The following NXPH1 variants were observed in gnomAD, a reference collection of about 807,000 sequenced individuals.
The protein encoded by NXPH1 is neurexophilin-1.
A neutral mutation model predicts 23.7 loss-of-function variants in NXPH1; 5 were observed. That is an observed-to-expected ratio of 0.21 (90% CI 0.11 to 0.44). NXPH1 has a LOEUF of 0.44. NXPH1 is among the 20% of genes least tolerant of loss of function. The pLI, the probability that NXPH1 is intolerant of heterozygous loss-of-function variation, is 0.99. For synonymous variants in NXPH1, 144 were observed against 122.2 expected (o/e 1.18, Z -1.18); for missense variants, 324 against 321.6 (o/e 1.01, Z -0.06).
At chr7:8,640,370 C>T (rs1159148757) in intron 2 of NXPH1, among the ~76,000 whole-genome samples, 1 of 151,674 alleles carries the variant, frequency 6.6e-6, no homozygotes, top group African/African-American at 2.4e-5. Flanking sequence ...TCAGGGTCCT[C>T]ATGTAATTTT....
chr7:8,520,025 A>G (rs1169654562), intron 2 of NXPH1, among the ~76,000 whole-genome samples: 1 of 152,120 alleles, frequency 6.6e-6, no homozygotes, highest in Non-Finnish European at 1.5e-5. Flanking sequence ...AAAATTATTT[A>G]TATAAAGATG....
intron 2 of NXPH1, among the ~76,000 whole-genome samples, chr7:8,437,522 C>T (rs1352238653): frequency 2.2e-4 from 34 of 152,214 alleles, no homozygotes; most frequent in Non-Finnish European, 8.8e-5. Context: ...TGTGCTCACA[C>T]ACACGGCAAG....
chr7:8,546,810 G>C (rs1455863921), intron 2 of NXPH1, among the ~76,000 whole-genome samples: 2 of 151,374 alleles, frequency 1.3e-5, no homozygotes, highest in Non-Finnish European at 3.0e-5. Context: ...TGATGCTCAT[G>C]GTGGTATTTT....
At position 8,752,775 on chromosome 7, in the gene NXPH1, A is replaced by G. The variant is rs750561485; in HGVS notation, c.*1006A>G. On this transcript the variant is annotated 3_prime_UTR_variant, in exon 3 of 3. Coordinates refer to ENST00000405863, the MANE Select transcript of NXPH1 (RefSeq NM_152745.3). The stretch of plus-strand genomic sequence containing the variant: ...TGGTTAAGAAAAAAGGATATGAGGA[A>G]TTCATTTTATCAATGTAGCTGTGAA... The G allele has an allele frequency of 1.3e-5, 2 of 152,498 alleles. No individual in the cohort carries two copies. The highest frequency in any genetic ancestry group is 2.9e-5 in the Non-Finnish European group (2 of 68,024). The allele number at this position is 152,498 out of a possible 1,614,324, so 9.4% of individuals were successfully genotyped here.
In NXPH1 at chr7:8,741,732, C is replaced by G. The variant is rs572303703; in HGVS notation, c.55-9276C>G. ...GGGTATTATCAATAAAATACAGGCT[C>G]TAAATTTGTAAGAAAGGAATCTCTG... On this transcript the variant is annotated intron_variant, in intron 2 of 2. Transcript: ENST00000405863. 5.1e-4 allele frequency among the ~76,000 whole-genome samples: 78 copies of G among 152,204 alleles called. 1 individual carries two copies. The highest frequency in any genetic ancestry group is 4.4e-3 in the South Asian group (21 of 4,822).
At chr7:8,455,671 A>G (rs1816582316) in intron 2 of NXPH1, among the ~76,000 whole-genome samples, 2 of 152,212 alleles carry the variant, frequency 1.3e-5, no homozygotes. Flanking sequence ...TTCAACTGTC[A>G]TAGGCTGTTT....
At chr7:8,623,067 G>C (rs1819908264) in intron 2 of NXPH1, among the ~76,000 whole-genome samples, 1 of 152,166 alleles carries the variant, frequency 6.6e-6, no homozygotes, top group Non-Finnish European at 1.5e-5. Context: ...CCAGGGAGCA[G>C]TTTGTCCAGA....
intron 2 of NXPH1, among the ~76,000 whole-genome samples, chr7:8,681,062 T>C (rs1821042005): frequency 1.3e-5 from 2 of 152,248 alleles, no homozygotes; most frequent in South Asian, 4.1e-4. Flanking sequence ...CCAGCGCTAA[T>C]GTCCGGTACA....
At position 8,435,484 on chromosome 7, in the gene NXPH1, AC is replaced by A. The variant is rs1451729697; in HGVS notation, c.-110-117del. ...ATTTACTCGCTTTTCAATTTTTCGT[AC>A]CCTCCCTCCCTTTTTTTTTTGGTCC... On this transcript the variant is annotated intron_variant, in intron 1 of 2. Coordinates refer to ENST00000405863, the MANE Select transcript of NXPH1 (RefSeq NM_152745.3). This position sits in a 1 kb window ranked among gnomAD's most constrained non-coding sequence, Gnocchi z 5.9. The A allele has an allele frequency of 2.3e-5, 13 of 553,466 alleles. No homozygotes were observed. The Admixed American group carries it at 4.2e-4, about 18-fold the overall frequency. 34.3% of individuals were successfully genotyped at this position (553,466 alleles called of 1,614,324 possible).
At chr7:8,477,939 C>A (rs1817004887) in intron 2 of NXPH1, among the ~76,000 whole-genome samples, 2 of 151,992 alleles carry the variant, frequency 1.3e-5, no homozygotes, top group South Asian at 4.1e-4. Context: ...ATTTAAAAGG[C>A]CTGAATCATG....
At chr7:8,492,067 G>A (rs1817256155) in intron 2 of NXPH1, among the ~76,000 whole-genome samples, 1 of 151,964 alleles carries the variant, frequency 6.6e-6, no homozygotes, top group Non-Finnish European at 1.5e-5. Flanking sequence ...TTACAAAAGG[G>A]TCTCTTGAGT....
intron 2 of NXPH1, among the ~76,000 whole-genome samples, chr7:8,638,445 A>T (rs1288780934): frequency 6.6e-6 from 1 of 152,242 alleles, no homozygotes; most frequent in African/African-American, 2.4e-5. Flanking sequence ...TGCTATTCTC[A>T]TTCAAATATA....
At chr7:8,515,697 A>G (rs1415387304) in intron 2 of NXPH1, among the ~76,000 whole-genome samples, 1 of 152,162 alleles carries the variant, frequency 6.6e-6, no homozygotes, top group East Asian at 1.9e-4. Context: ...TAAATTTGGA[A>G]TCATTGTTGA....
chr7:8,601,504 C>G (rs1819359240), intron 2 of NXPH1, among the ~76,000 whole-genome samples: 1 of 152,120 alleles, frequency 6.6e-6, no homozygotes, highest in Non-Finnish European at 1.5e-5. Flanking sequence ...GTTCTCAGTC[C>G]CTTCACCATT....
intron 2 of NXPH1, among the ~76,000 whole-genome samples, chr7:8,482,176 A>C (rs930708804): frequency 6.6e-6 from 1 of 152,214 alleles, no homozygotes; most frequent in Admixed American, 6.5e-5. Context: ...CAGCTTGAAC[A>C]GCTGGGGCTA....
chr7:8,672,246 A>G (rs1446701381), intron 2 of NXPH1, among the ~76,000 whole-genome samples: 2 of 152,168 alleles, frequency 1.3e-5, no homozygotes, highest in Non-Finnish European at 2.9e-5. Flanking sequence ...CAAACACCGC[A>G]TATTCTCACT....
intron 2 of NXPH1, among the ~76,000 whole-genome samples, chr7:8,616,447 C>T (rs896255493): frequency 6.6e-6 from 1 of 151,992 alleles, no homozygotes; most frequent in Non-Finnish European, 1.5e-5. Flanking sequence ...TGTTCTCCCT[C>T]GTCATCTCGA....
intron 2 of NXPH1, among the ~76,000 whole-genome samples, chr7:8,647,639 G>T (rs900020761): frequency 6.6e-6 from 1 of 151,574 alleles, no homozygotes. Context: ...TCTTTTAATC[G>T]CTAGTTATGT....
chr7:8,637,386 C>A (rs960597098), intron 2 of NXPH1, among the ~76,000 whole-genome samples: 1 of 152,022 alleles, frequency 6.6e-6, no homozygotes, highest in Non-Finnish European at 1.5e-5. Flanking sequence ...CCATGCCTGG[C>A]TAATTTAAAA....
Sources: gnomAD v4.1 joint callset for allele counts (sites outside exome capture counted in the v4.1 genomes callset) on GRCh38, gnomAD v4.1.1 for gene constraint, Gnocchi (gnomAD v3.1) non-coding constraint, MANE v1.5 for transcripts, NCBI Gene and HGNC (gene_info 2026-07-23, HGNC 2026-07-21) for gene names.